The following HIP1R variants were observed in gnomAD, a reference collection of about 807,000 sequenced individuals.
The protein encoded by HIP1R is huntingtin interacting protein 1 related.
In HIP1R, 135 loss-of-function variants were observed where a neutral mutation model predicts 144.2. The observed-to-expected ratio is 0.94, with a 90% CI of 0.81 to 1.08. The LOEUF (loss-of-function observed/expected upper bound fraction) is 1.08, where lower values mean the gene tolerates loss of function less well. HIP1R is among the 50% of genes least tolerant of loss of function. The pLI, the probability that HIP1R is intolerant of heterozygous loss-of-function variation, is 0.00. For missense variants in HIP1R, 1,462 were observed against 1,432.8 expected (o/e 1.02, Z -0.33); for synonymous variants, 698 against 612.8 (o/e 1.14, Z -2.05).
chr12:122,845,463 G>A (rs1234944772), intron 1 of HIP1R, among the ~76,000 whole-genome samples: 5 of 152,232 alleles, frequency 3.3e-5, no homozygotes, highest in Admixed American at 1.3e-4. Context: ...TGCCGCCAGC[G>A]CGGGGAGCAG....
At chr12:122,861,569 C>T in intron 31 of HIP1R, 55 bp downstream of exon 31, 2 of 1,577,164 alleles carry the variant, frequency 1.3e-6, no homozygotes, top group South Asian at 2.3e-5. Context: ...GTCCCCAGCC[C>T]TAGAGGGGCA....
At chr12:122,860,393 T>C in intron 26 of HIP1R, 30 bp from the exon 27 acceptor site, 2 of 1,608,768 alleles carry the variant, frequency 1.2e-6, no homozygotes, top group Non-Finnish European at 8.5e-7. Flanking sequence ...TTGACTGGCA[T>C]GTCCTGCCCT....
At chr12:122,851,694 A>AAAG (rs3069141) in intron 7 of HIP1R, among the ~76,000 whole-genome samples, 119,191 of 149,128 alleles carry the variant, frequency 0.8, 48,425 homozygotes, top group Middle Eastern at 0.89. Context: ...AAAAAAAAAA[A>AAAG]AAAGAAAAAG....
In HIP1R at chr12:122,862,301, A is replaced by G. The variant is rs2033794006; in HGVS notation, c.*548A>G. ...CCGCAGACCAGGCTCTGTGTGGGCT[A>G]GAGGAATGTCGCCCATTACTCCTCA... is the stretch of plus-strand genomic sequence containing the variant. On this transcript the variant is annotated 3_prime_UTR_variant, in exon 32 of 32. Transcript: ENST00000253083. 6.5e-6 allele frequency: 1 copy of G among 152,890 alleles called. No homozygotes were observed. The highest frequency in any genetic ancestry group is 1.5e-5 in the Non-Finnish European group (1 of 68,628). The allele number at this position is 152,890 out of a possible 1,614,324, so 9.5% of individuals were successfully genotyped here.
chr12:122,850,597 GT>G, intron 5 of HIP1R: 1 of 13,870 alleles, frequency 7.2e-5, no homozygotes, highest in South Asian at 2.9e-4. Flanking sequence ...TGGCCGCTGG[GT>G]GGGGGGGGCC....
At chr12:122,834,937 A>C (rs966457870), upstream of HIP1R, 1 of 1,289,172 alleles carries the variant, frequency 7.8e-7, no homozygotes, top group Non-Finnish European at 1.0e-6. Context: ...CTGTGCTGCC[A>C]CCGACCAGAC....
chr12:122,856,756 G>C lies in HIP1R; in HGVS notation c.1620+30G>C, dbSNP rs2033596350. The C allele has an allele frequency of 2.0e-6, 3 of 1,517,662 alleles. No individual in the cohort carries two copies. In the East Asian group the frequency reaches 7.3e-5, roughly 37 times the overall value. 94.0% of individuals were successfully genotyped at this position (1,517,662 alleles called of 1,614,324 possible). ...ATCTGGCTTTGATGACTGGAGGTGG[G>C]GTTCTGGGGCCAGTCCTGGGTGGAA... On this transcript the variant is annotated intron_variant, in intron 17 of 31. Transcript: ENST00000253083.
In HIP1R at chr12:122,862,313, C is replaced by T. The variant is rs1593895266; in HGVS notation, c.*560C>T. 1 of 152,710 alleles carries T rather than the reference C, an allele frequency of 6.5e-6. No individual in the cohort carries two copies. Among genetic ancestry groups the T allele is most frequent in the Admixed American group, 6.5e-5 (1 of 15,304 alleles). 9.5% of individuals were successfully genotyped at this position (152,710 alleles called of 1,614,324 possible). ...CTCTGTGTGGGCTAGAGGAATGTCG[C>T]CCATTACTCCTCAGGCCTGGCCCTC... On this transcript the variant is annotated 3_prime_UTR_variant, in exon 32 of 32. Coordinates refer to ENST00000253083, the MANE Select transcript of HIP1R (RefSeq NM_003959.3).
intron 5 of HIP1R, chr12:122,850,475 G>C: frequency 1.2e-5 from 2 of 170,802 alleles, no homozygotes; most frequent in South Asian, 3.3e-5. Context: ...GCCGCTGGGT[G>C]GGGGGGGCCC....
rs1436963116 is a variant in HIP1R, at chr12:122,859,837, C to T, written c.2465+7C>T. ...AGCTGGAGGTGAACGAGAGGTGAGC[C>T]CCCCTTCTGTCCCCCCAGGCCCAGC... is the stretch of plus-strand genomic sequence containing the variant. On this transcript the variant is annotated splice_region_variant and intron_variant, in intron 24 of 31. Transcript: ENST00000253083. The T allele has an allele frequency of 6.2e-7, 1 of 1,611,818 alleles. No homozygotes were observed. Among genetic ancestry groups the T allele is most frequent in the African/African-American group, 1.3e-5 (1 of 75,040 alleles).
chr12:122,849,075 C>A (rs535929768), intron 4 of HIP1R, among the ~76,000 whole-genome samples: 42 of 152,258 alleles, frequency 2.8e-4, no homozygotes, highest in African/African-American at 9.4e-4. Flanking sequence ...CGAAGTCACC[C>A]GGGCCCTTTA....
At chr12:122,850,794 G>T (rs764011544) in intron 5 of HIP1R, 41 bp from the exon 6 acceptor site, 51 of 1,470,728 alleles carry the variant, frequency 3.5e-5, no homozygotes, top group African/African-American at 4.4e-5. Context: ...GTGTGGGGGG[G>T]CCCTGGTTCA....
chr12:122,860,160 C>A lies in HIP1R; in HGVS notation c.2509C>A (p.Leu837Met). 6.3e-7 allele frequency: 1 copy of A among 1,575,840 alleles called. No homozygotes were observed. Reference protein sequence around the residue: ...CTDLMKAIRLLVTTSTSLQKE... With the variant: ...CTDLMKAIRLMVTTSTSLQKE... ...TTGGTCTCGGCAGGCTATCCGGCTC[C>A]TGGTGACGACATCCACTAGCCTGCA... The change falls in exon 26 of 32, where the codon CTG becomes ATG. Residue 837 changes from leucine (L) to methionine (M), a missense_variant. Physicochemically the swap from Leu to Met is conservative, Grantham distance 15. Coordinates refer to ENST00000253083, the MANE Select transcript of HIP1R (RefSeq NM_003959.3).
intron 1 of HIP1R, among the ~76,000 whole-genome samples, chr12:122,846,360 GT>G (rs1566103517): frequency 6.6e-6 from 1 of 152,214 alleles, no homozygotes; most frequent in African/African-American, 2.4e-5. Context: ...AGGAAAATGG[GT>G]TAGTCACCAC....
chr12:122,834,942 C>T (rs2032826862), upstream of HIP1R: 1 of 1,289,250 alleles, frequency 7.8e-7, no homozygotes, highest in African/African-American at 1.5e-5. Context: ...CTGCCACCGA[C>T]CAGACTCATG....
At position 122,859,122 on chromosome 12, in the gene HIP1R, G is replaced by A. The variant is rs763402732; in HGVS notation, c.2220G>A (p.Gln740=). The A allele has an allele frequency of 3.1e-6, 5 of 1,595,748 alleles. No individual in the cohort carries two copies. Among genetic ancestry groups the A allele is most frequent in the South Asian group, 1.1e-5 (1 of 88,710 alleles). The stretch of plus-strand genomic sequence containing the variant: ...CTCTGGAGCTCATGGGGCAGCTGCA[G>A]GACCAGCAGGCTCTGCGGCACATGC... ...ARALELMGQL[Q]DQQALRHMQA... is the part of the protein sequence containing the mutation. Residue 740 remains glutamine, a synonymous_variant, in exon 22 of 32, where the codon CAG becomes CAA. Transcript: ENST00000253083.
chr12:122,848,023 C>T lies in HIP1R; in HGVS notation c.94-8C>T, dbSNP rs1251337592. On this transcript the variant is annotated splice_polypyrimidine_tract_variant and splice_region_variant and intron_variant, in intron 1 of 31. Transcript: ENST00000253083. ...GGGCTCTAAACACTGCTCCTTTGTC[C>T]CTCACAGGCCATCAGCATCAGCAAA... is the stretch of plus-strand genomic sequence containing the variant. 5.0e-6 allele frequency: 8 copies of T among 1,613,532 alleles called. 1 individual carries two copies. The South Asian group carries it at 5.5e-5, about 11-fold the overall frequency.
At chr12:122,841,381 C>T (rs1343606680) in intron 1 of HIP1R, among the ~76,000 whole-genome samples, 3 of 152,192 alleles carry the variant, frequency 2.0e-5, no homozygotes, top group East Asian at 1.9e-4. Flanking sequence ...ATCTCCTTGC[C>T]GAGTTCCCTG....
chr12:122,850,974 G>A (rs964831275), intron 6 of HIP1R, 63 bp downstream of exon 6: 96 of 1,485,082 alleles, frequency 6.5e-5, no homozygotes, highest in Non-Finnish European at 8.6e-5. Context: ...TTCCTACCGC[G>A]TCTCACGCCC....
Sources: gnomAD v4.1 joint callset for allele counts (sites outside exome capture counted in the v4.1 genomes callset) on GRCh38, gnomAD v4.1.1 for gene constraint, MANE v1.5 for transcripts, NCBI Gene and HGNC (gene_info 2026-07-23, HGNC 2026-07-21) for gene names.